ZNF385B: variants seen among roughly 807,000 people sequenced by gnomAD.
The protein encoded by ZNF385B is zinc finger protein 385B, also known as zinc finger protein 533.
Under a neutral mutation model 39.2 loss-of-function variants are expected in ZNF385B, and 23 were observed. The observed-to-expected ratio is 0.59, with a 90% CI of 0.42 to 0.83. The LOEUF is 0.83. Among genes scored for constraint, ZNF385B ranks in the 40% least tolerant of loss-of-function variants. ZNF385B has a pLI of 0.00. For missense variants in ZNF385B, 552 were observed against 598.9 expected (o/e 0.92, Z 0.82); for synonymous variants, 205 against 222.6 (o/e 0.92, Z 0.70).
At chr2:179,817,266 A>G (rs1324244048) in intron 1 of ZNF385B, among the ~76,000 whole-genome samples, 2 of 152,212 alleles carry the variant, frequency 1.3e-5, no homozygotes, top group African/African-American at 4.8e-5. Context: ...ATTGATCTAC[A>G]ATTTGGCAAA....
rs147366384 is a variant in ZNF385B, at chr2:179,625,339, G to C, written c.299-80370C>G. The stretch of plus-strand genomic sequence containing the variant: ...AGAGAGAGAACTATGAAATAACTTA[G>C]AGCCTGATTATTTATATTTTTTTCC... On this transcript the variant is annotated intron_variant, in intron 3 of 9. Coordinates refer to ENST00000410066, the MANE Select transcript of ZNF385B (RefSeq NM_152520.6). Among the ~76,000 whole-genome samples, 474 of 151,950 alleles carry C rather than the reference G, an allele frequency of 3.1e-3. 2 individuals are homozygous for C. Among genetic ancestry groups the C allele is most frequent in the African/African-American group, 0.011 (454 of 41,470 alleles).
intron 5 of ZNF385B, among the ~76,000 whole-genome samples, chr2:179,516,326 C>T (rs4894105): frequency 0.81 from 123,778 of 152,002 alleles, 50,767 homozygotes; most frequent in East Asian, 0.92. Context: ...AACGTATGTA[C>T]AACTTTATAA....
chr2:179,704,403 A>G (rs1699434765), intron 3 of ZNF385B, among the ~76,000 whole-genome samples: 1 of 152,214 alleles, frequency 6.6e-6, no homozygotes, highest in South Asian at 2.1e-4. Context: ...TGCATTCTTT[A>G]TTATACCTTC....
At chr2:179,642,955 G>A (rs1692398656) in intron 3 of ZNF385B, among the ~76,000 whole-genome samples, 1 of 152,014 alleles carries the variant, frequency 6.6e-6, no homozygotes, top group Non-Finnish European at 1.5e-5. Flanking sequence ...TCAACAAAAA[G>A]CCCTTGAATG....
chr2:179,710,357 C>T (rs529006622), intron 3 of ZNF385B, among the ~76,000 whole-genome samples: 1 of 152,238 alleles, frequency 6.6e-6, no homozygotes, highest in South Asian at 2.1e-4. Flanking sequence ...CATTAAATGG[C>T]CCTGGAAATA....
chr2:179,731,038 A>G (rs935623932), intron 3 of ZNF385B, among the ~76,000 whole-genome samples: 1 of 152,226 alleles, frequency 6.6e-6, no homozygotes, highest in African/African-American at 2.4e-5. Context: ...CTTTGAAAAT[A>G]CACATTTACC....
intron 3 of ZNF385B, among the ~76,000 whole-genome samples, chr2:179,765,910 C>A (rs908549008): frequency 6.6e-6 from 1 of 151,982 alleles, no homozygotes; most frequent in African/African-American, 2.4e-5. Context: ...TTTTGCTTCC[C>A]CTTTGAGTCT....
intron 1 of ZNF385B, among the ~76,000 whole-genome samples, chr2:179,842,889 G>A (rs1422452708): frequency 6.6e-6 from 1 of 152,314 alleles, no homozygotes; most frequent in Non-Finnish European, 1.5e-5. Context: ...ATTCTTAAAA[G>A]GAAACTGATG....
chr2:179,642,188 A>G (rs1350929854), intron 3 of ZNF385B, among the ~76,000 whole-genome samples: 1 of 152,174 alleles, frequency 6.6e-6, no homozygotes, highest in Non-Finnish European at 1.5e-5. Flanking sequence ...CAATATTAGA[A>G]TCTCACGGAA....
At chr2:179,713,795 A>G (rs1003036745) in intron 3 of ZNF385B, among the ~76,000 whole-genome samples, 2 of 152,226 alleles carry the variant, frequency 1.3e-5, no homozygotes, top group Non-Finnish European at 2.9e-5. Flanking sequence ...CCTAAGTGTT[A>G]TCTAAAACAC....
At chr2:179,735,733 G>A (rs1222954164) in intron 3 of ZNF385B, among the ~76,000 whole-genome samples, 31 of 151,020 alleles carry the variant, frequency 2.1e-4, no homozygotes, top group Non-Finnish European at 1.5e-5. Context: ...TCCTTTGTAG[G>A]GACATGGATG....
At chr2:179,533,520 G>A (rs1438293392) in intron 4 of ZNF385B, among the ~76,000 whole-genome samples, 3 of 152,240 alleles carry the variant, frequency 2.0e-5, no homozygotes, top group East Asian at 3.9e-4. Flanking sequence ...AGTAGGCAGC[G>A]AACTTACAAT....
At chr2:179,534,229 T>C (rs2059426098) in intron 4 of ZNF385B, among the ~76,000 whole-genome samples, 1 of 152,214 alleles carries the variant, frequency 6.6e-6, no homozygotes, top group South Asian at 2.1e-4. Context: ...TCTACCTTAA[T>C]TAGGATTGCT....
chr2:179,528,916 T>C (rs1032410898), intron 4 of ZNF385B, among the ~76,000 whole-genome samples: 9 of 152,334 alleles, frequency 5.9e-5, no homozygotes, highest in South Asian at 4.1e-4. Context: ...GCTGTAGTTA[T>C]GCTGCTGGGT....
intron 1 of ZNF385B, among the ~76,000 whole-genome samples, chr2:179,775,290 C>T (rs1575468784): frequency 6.6e-6 from 1 of 152,056 alleles, no homozygotes; most frequent in South Asian, 2.1e-4. Context: ...CTATACTTGG[C>T]CCTATGGTAA....
rs866670556 is a variant in ZNF385B at position 179,769,707 on chromosome 2, T to C, written c.94A>G (p.Asn32Asp). ...CTCAACTGGTCCTCAGGCCTGTCGT[T>C]CTTTATCCCCTTTTCTTCAAAGCCC... ...LRGFEEKGIKNDRPEDQLSKE... is the reference protein window; with the variant it reads ...LRGFEEKGIKDDRPEDQLSKE... The change falls in exon 3 of 10, where the codon AAC (asparagine) becomes GAC (aspartate). Residue 32 changes from asparagine (N) to aspartate (D), a missense_variant. Transcript: ENST00000410066. 3.1e-6 allele frequency: 5 copies of C among 1,614,198 alleles called. No homozygotes were observed. Among genetic ancestry groups the C allele is most frequent in the Middle Eastern group, 1.6e-4 (1 of 6,062 alleles).
chr2:179,797,274 T>G (rs1434394329), intron 1 of ZNF385B, among the ~76,000 whole-genome samples: 1 of 152,106 alleles, frequency 6.6e-6, no homozygotes, highest in Non-Finnish European at 1.5e-5. Flanking sequence ...TCATATATAC[T>G]CCCTGCCACG....
In ZNF385B at chr2:179,552,206, T is replaced by C. The variant is rs967964340; in HGVS notation, c.299-7237A>G. On this transcript the variant is annotated intron_variant, in intron 3 of 9. Coordinates refer to ENST00000410066, the MANE Select transcript of ZNF385B (RefSeq NM_152520.6). ...CCTTAGTCTTTGGCCTTTAGATATATAATCTTAAAAGCCCATTTAGATTAT... is the reference window on the plus strand; with the variant it reads ...CCTTAGTCTTTGGCCTTTAGATATACAATCTTAAAAGCCCATTTAGATTAT... Among the ~76,000 whole-genome samples the C allele has an allele frequency of 1.3e-5, 2 of 149,390 alleles. 1 individual carries two copies. Among genetic ancestry groups the C allele is most frequent in the African/African-American group, 5.0e-5 (2 of 39,736 alleles).
At chr2:179,448,779 C>A (rs2105562504) in intron 6 of ZNF385B, among the ~76,000 whole-genome samples, 1 of 152,144 alleles carries the variant, frequency 6.6e-6, no homozygotes, top group Non-Finnish European at 1.5e-5. Flanking sequence ...AATATTTCAG[C>A]ACAAAAGGAG....
Sources: allele counts gnomAD v4.1 joint callset (sites outside exome capture counted in the v4.1 genomes callset), GRCh38; gene constraint gnomAD v4.1.1; transcripts MANE v1.5; gene names NCBI Gene and HGNC (gene_info 2026-07-23, HGNC 2026-07-21).